The following FAAP20 variants were observed in gnomAD, a reference collection of about 807,000 sequenced individuals.
The protein encoded by FAAP20 is FA core complex associated protein 20.
In FAAP20, 12 loss-of-function variants were observed where a neutral mutation model predicts 16.2. The ratio of observed to expected loss-of-function variants is 0.74; its 90% CI spans 0.48 to 1.20. The LOEUF (loss-of-function observed/expected upper bound fraction) is 1.20. FAAP20 is among the 50% of genes most tolerant of loss of function. The pLI is 0.00. For missense variants in FAAP20, 288 were observed against 245.8 expected (o/e 1.17, Z -1.15); for synonymous variants, 141 against 110.7 (o/e 1.27, Z -1.72).
chr1:2,198,492 CA>C (rs1688912762), upstream of FAAP20: 1 of 437,888 alleles, frequency 2.3e-6, no homozygotes, highest in African/African-American at 2.1e-5. Context: ...ACAAGTGTCC[CA>C]GCCACTGGCA....
chr1:2,190,135 G>C lies in FAAP20; in HGVS notation c.471-354C>G, dbSNP rs1301225370. The C allele has an allele frequency of 3.9e-6, 2 of 514,150 alleles. 1 individual carries two copies. The highest frequency in any genetic ancestry group is 3.8e-5 in the African/African-American group (2 of 52,296). The allele number at this position is 514,150 out of a possible 1,614,324, so 31.8% of individuals were successfully genotyped here. A position where few individuals can be genotyped will look rare whatever the true frequency, so the allele number is the denominator to read the frequency against. On this transcript the variant is annotated intron_variant, in intron 3 of 3. Transcript: ENST00000378546. ...GCGGCCTGACCCGGAGAAAAGGCAG[G>C]ACGGCGGGTGGCCTGCCAGGGAGAG... is the stretch of plus-strand genomic sequence containing the variant.
intron 3 of FAAP20, 167 bp from the exon 4 acceptor site, chr1:2,189,948 G>T (rs1295004470): frequency 6.1e-6 from 4 of 650,864 alleles, no homozygotes; most frequent in Non-Finnish European, 1.1e-5. Context: ...GGCAGACCAC[G>T]GTAACCGCCA....
upstream of FAAP20, chr1:2,198,103 C>T: frequency 7.7e-7 from 1 of 1,291,252 alleles, no homozygotes; most frequent in Non-Finnish European, 1.0e-6. Flanking sequence ...AAACGCTCCA[C>T]TTCTTCGGAG....
downstream of FAAP20, among the ~76,000 whole-genome samples, chr1:2,188,455 C>T (rs1213879018): frequency 6.6e-6 from 1 of 152,232 alleles, no homozygotes; most frequent in East Asian, 1.9e-4. Context: ...ACCAGACTCT[C>T]TCGGCTCCAG....
downstream of FAAP20, among the ~76,000 whole-genome samples, chr1:2,211,485 T>C (rs1477012664): frequency 1.6e-5 from 2 of 124,420 alleles, no homozygotes; most frequent in African/African-American, 3.1e-5. Flanking sequence ...CTTGCTCTGT[T>C]GCCTAGGCTG....
intron 3 of FAAP20, chr1:2,193,297 A>G (rs766854411): frequency 4.2e-5 from 20 of 476,374 alleles, no homozygotes; most frequent in Non-Finnish European, 7.1e-5. Context: ...CCCATGACGC[A>G]CTCTCGGGAA....
At chr1:2,191,316 G>C (rs1485687846) in intron 3 of FAAP20, 1 of 152,506 alleles carries the variant, frequency 6.6e-6, no homozygotes, top group Non-Finnish European at 1.5e-5. Context: ...ACGCCCTGTG[G>C]TGTGGACAGG....
chr1:2,212,067 T>C, downstream of FAAP20: 1 of 152,052 alleles, frequency 6.6e-6, no homozygotes, highest in Admixed American at 6.6e-5. Context: ...CACGCCCAGC[T>C]AATTTGTTTT....
upstream of FAAP20, chr1:2,194,854 C>T (rs1291865922): frequency 2.9e-6 from 3 of 1,023,938 alleles, no homozygotes; most frequent in Non-Finnish European, 2.4e-6. Flanking sequence ...AGGCCGCCCC[C>T]CTCCGAGACA....
At chr1:2,190,731 C>T in intron 3 of FAAP20, 2 of 309,946 alleles carry the variant, frequency 6.5e-6, no homozygotes, top group Non-Finnish European at 6.5e-6. Context: ...TCAGAGTGAC[C>T]ATCCCTCACA....
chr1:2,189,692 G>A lies in FAAP20; in HGVS notation c.*17C>T. 1 of 1,605,976 alleles carries A rather than the reference G, an allele frequency of 6.2e-7. No individual in the cohort carries two copies. Among genetic ancestry groups the A allele is most frequent in the South Asian group, 1.1e-5 (1 of 91,018 alleles). On this transcript the variant is annotated 3_prime_UTR_variant, in exon 4 of 4. Transcript: ENST00000378546. ...GTGTCCGGGCGCCGCACTCTGCGCA[G>A]GGCTCTTGGATGGCGCTCACCACGT...
intron 3 of FAAP20, chr1:2,190,220 A>G (rs1448011024): frequency 2.2e-6 from 1 of 460,036 alleles, no homozygotes; most frequent in Non-Finnish European, 4.4e-6. Context: ...GTGGATGTGC[A>G]GCTCACGTCA....
chr1:2,201,035 C>T (rs1387854837), upstream of FAAP20: 2 of 1,287,802 alleles, frequency 1.6e-6, no homozygotes, highest in African/African-American at 3.0e-5. Flanking sequence ...CTGCACCTTC[C>T]AGGACCCAGC....
upstream of FAAP20, among the ~76,000 whole-genome samples, chr1:2,196,883 T>G (rs1226060857): frequency 6.6e-6 from 1 of 151,754 alleles, no homozygotes; most frequent in Non-Finnish European, 1.5e-5. This position sits in a 1 kb window ranked among gnomAD's most constrained non-coding sequence, Gnocchi z 4.5. Context: ...TGGTGACAAG[T>G]GTTTGCTCAG....
At chr1:2,191,825 C>T (rs1205059571) in intron 3 of FAAP20, 21 of 985,310 alleles carry the variant, frequency 2.1e-5, no homozygotes, top group Non-Finnish European at 2.5e-5. Flanking sequence ...TCAACATCCT[C>T]ACCCCTCACC....
At chr1:2,207,303 G>C (rs554891263), downstream of FAAP20, among the ~76,000 whole-genome samples, 7 of 152,150 alleles carry the variant, frequency 4.6e-5, no homozygotes, top group Non-Finnish European at 8.8e-5. Context: ...CCCACCCTTC[G>C]CCGGCCTTCT....
Position 2,189,795 on chromosome 1 carries a change from G to T in FAAP20, c.471-14C>A. ...AGCTGGGTCAGCCTGCAAGGGAGGG[G>T]CCACACTCACTCGGCCACCTCCGCG... is the stretch of plus-strand genomic sequence containing the variant. On this transcript the variant is annotated splice_polypyrimidine_tract_variant and intron_variant, in intron 3 of 3. Coordinates refer to ENST00000378546, the MANE Select transcript of FAAP20 (RefSeq NM_182533.4). 6.2e-7 allele frequency: 1 copy of T among 1,604,284 alleles called. No individual in the cohort carries two copies. Among genetic ancestry groups the T allele is most frequent in the Non-Finnish European group, 8.5e-7 (1 of 1,172,020 alleles).
upstream of FAAP20, among the ~76,000 whole-genome samples, chr1:2,204,377 C>T (rs560123731): frequency 1.3e-5 from 2 of 152,360 alleles, no homozygotes; most frequent in South Asian, 4.1e-4. Context: ...TTGCCCCCTT[C>T]TGGGACGTGC....
At chr1:2,184,846 T>C (rs933047502), downstream of FAAP20, 24 of 1,437,858 alleles carry the variant, frequency 1.7e-5, no homozygotes, top group African/African-American at 2.2e-4. Flanking sequence ...AGGATTCTTA[T>C]GCGAACGTGA....
Sources: gnomAD v4.1 joint callset for allele counts (sites outside exome capture counted in the v4.1 genomes callset) on GRCh38, gnomAD v4.1.1 for gene constraint, Gnocchi (gnomAD v3.1) non-coding constraint, MANE v1.5 for transcripts, NCBI Gene and HGNC (gene_info 2026-07-23, HGNC 2026-07-21) for gene names.